Variants in RPTOR observed in about 807,000 individuals in gnomAD.
The protein encoded by RPTOR is regulatory associated protein of MTOR complex 1, also known as regulatory-associated protein of mTOR.
A neutral mutation model predicts 169.9 loss-of-function variants in RPTOR; 21 were observed. The ratio of observed to expected loss-of-function variants is 0.12; its 90% confidence interval spans 0.09 to 0.18. The LOEUF (loss-of-function observed/expected upper bound fraction) is 0.18. RPTOR is among the 10% of genes least tolerant of loss of function. The pLI, the probability that RPTOR is intolerant of heterozygous loss-of-function variation, is 1.00. For missense variants in RPTOR, 1,133 were observed against 1,855.9 expected (o/e 0.61, Z 7.16); for synonymous variants, 732 against 753.2 (o/e 0.97, Z 0.46).
At chr17:80,579,137 G>C (rs1410548126) in intron 1 of RPTOR, among the ~76,000 whole-genome samples, 1 of 151,936 alleles carries the variant, frequency 6.6e-6, no homozygotes, top group African/African-American at 2.4e-5. Flanking sequence ...CCCGAGTTAG[G>C]GCCTCAAGGA....
intron 21 of RPTOR, chr17:80,909,942 T>C (rs2068592225): frequency 6.6e-6 from 1 of 152,200 alleles, no homozygotes; most frequent in South Asian, 2.1e-4. Flanking sequence ...TAGTCCTTTC[T>C]CTTTGGGGAC....
intron 1 of RPTOR, among the ~76,000 whole-genome samples, chr17:80,617,765 G>A (rs2065322730): frequency 6.6e-6 from 1 of 152,134 alleles, no homozygotes; most frequent in African/African-American, 2.4e-5. Context: ...CAAAGAAATG[G>A]TTCCTAGCTC....
At chr17:80,945,273 C>T (rs1483635576) in intron 25 of RPTOR, among the ~76,000 whole-genome samples, 2 of 151,982 alleles carry the variant, frequency 1.3e-5, no homozygotes, top group East Asian at 1.9e-4. Context: ...CCAGCCAGGG[C>T]GACAGAACAG....
chr17:80,822,392 C>A, intron 8 of RPTOR, 91 bp downstream of exon 8: 1 of 1,224,428 alleles, frequency 8.2e-7, no homozygotes, highest in Non-Finnish European at 1.2e-6. Context: ...CAGATAGGAT[C>A]CGTGAGTGCC....
chr17:80,727,847 G>T (rs1005352790), intron 4 of RPTOR, among the ~76,000 whole-genome samples: 5 of 152,180 alleles, frequency 3.3e-5, no homozygotes, highest in African/African-American at 4.8e-5. Context: ...GAAGGAATGT[G>T]CCTTTAAAAT....
intron 1 of RPTOR, among the ~76,000 whole-genome samples, chr17:80,568,676 C>T (rs999205956): frequency 4.6e-5 from 7 of 152,158 alleles, no homozygotes; most frequent in Admixed American, 6.6e-5. Context: ...CCTTGTTCCT[C>T]CTCAATCTTC....
At chr17:80,671,859 T>C (rs1410495145) in intron 3 of RPTOR, among the ~76,000 whole-genome samples, 2 of 152,206 alleles carry the variant, frequency 1.3e-5, no homozygotes, top group African/African-American at 4.8e-5. Context: ...CGCACAAAGA[T>C]GACCGTGGAA....
intron 1 of RPTOR, among the ~76,000 whole-genome samples, chr17:80,615,467 C>T (rs1410609001): frequency 6.6e-6 from 1 of 152,106 alleles, no homozygotes; most frequent in Non-Finnish European, 1.5e-5. Flanking sequence ...AAGAAATTGT[C>T]AAATATATGG....
In RPTOR at chr17:80,925,402, C is replaced by T; in HGVS notation, c.2841C>T (p.His947=). The T allele has an allele frequency of 6.2e-7, 1 of 1,613,760 alleles. No homozygotes were observed. Among genetic ancestry groups the T allele is most frequent in the East Asian group, 2.2e-5 (1 of 44,888 alleles). Residue 947 remains histidine (H), a synonymous_variant, in exon 24 of 34, where the codon CAC becomes CAT. Coordinates refer to ENST00000306801, the MANE Select transcript of RPTOR (RefSeq NM_020761.3). The part of the protein sequence containing the change: ...TADDADDAAG[H]KSFISATVQT... The stretch of plus-strand genomic sequence containing the variant: ...ACGACGCGGACGATGCTGCTGGACA[C>T]AAAAGTTTCATCTCCGCCACGGTGC...
intron 1 of RPTOR, among the ~76,000 whole-genome samples, chr17:80,621,454 G>A (rs1161260947): frequency 6.6e-6 from 1 of 152,244 alleles, no homozygotes; most frequent in East Asian, 1.9e-4. Context: ...TGGGAATGCC[G>A]TATCACCGCC....
chr17:80,860,339 C>T lies in RPTOR; in HGVS notation c.1509+2439C>T, dbSNP rs1055738932. Among the ~76,000 whole-genome samples, 1 of 152,234 alleles carries T rather than the reference C, an allele frequency of 6.6e-6. No homozygotes were observed. The highest frequency in any genetic ancestry group is 2.4e-5 in the African/African-American group (1 of 41,474). ...GGCACCCCGAGCCACAGGCTCGTAC[C>T]CCGCACTGTGCGCTCTCACCCGTCA... is the stretch of plus-strand genomic sequence containing the variant. On this transcript the variant is annotated intron_variant, in intron 13 of 33. Transcript: ENST00000306801. This position sits in a 1 kb window ranked among gnomAD's most constrained non-coding sequence, Gnocchi z 5.8.
At chr17:80,626,684 G>C (rs1234045167) in intron 2 of RPTOR, among the ~76,000 whole-genome samples, 1 of 150,538 alleles carries the variant, frequency 6.6e-6, no homozygotes, top group Non-Finnish European at 1.5e-5. Context: ...TGTAGAGCTG[G>C]AATTTGAACC....
At chr17:80,795,306 G>C (rs973757332) in intron 7 of RPTOR, among the ~76,000 whole-genome samples, 2 of 152,176 alleles carry the variant, frequency 1.3e-5, no homozygotes, top group Non-Finnish European at 2.9e-5. Flanking sequence ...AAAAAGAGAA[G>C]CAAACACCCT....
intron 24 of RPTOR, 36 bp downstream of exon 24, chr17:80,925,516 A>G: frequency 6.7e-7 from 1 of 1,495,128 alleles, no homozygotes; most frequent in Non-Finnish European, 9.3e-7. Context: ...GTAGAGTCCT[A>G]GCGAACATGT....
intron 7 of RPTOR, among the ~76,000 whole-genome samples, chr17:80,793,142 A>T (rs2067066784): frequency 6.6e-6 from 1 of 152,190 alleles, no homozygotes; most frequent in Non-Finnish European, 1.5e-5. Flanking sequence ...TTGAGCACTG[A>T]TGTGCTACTC....
rs1201520928 is a variant in RPTOR at position 80,957,279 on chromosome 17, G to A, written c.3371-345G>A. 9.2e-6 allele frequency among the ~76,000 whole-genome samples: 1 copy of A among 108,368 alleles called. No homozygotes were observed. The highest frequency in any genetic ancestry group is 1.9e-5 in the Non-Finnish European group (1 of 53,848). 71.1% of individuals were successfully genotyped at this position (108,368 alleles called of 152,430 possible). On this transcript the variant is annotated intron_variant, in intron 28 of 33. Coordinates refer to ENST00000306801, the MANE Select transcript of RPTOR (RefSeq NM_020761.3). The surrounding 1 kb of genome is among the most constrained non-coding windows in gnomAD (Gnocchi z 4.6). Reference sequence around the variant, plus strand: ...AGTTCCAGCTTAGAACTGTCACCCCGGCCTGGACTTGGGAGTTCCAGCTTA... The same window carrying A: ...AGTTCCAGCTTAGAACTGTCACCCCAGCCTGGACTTGGGAGTTCCAGCTTA...
intron 5 of RPTOR, among the ~76,000 whole-genome samples, chr17:80,753,632 C>CAA (rs35693819): frequency 0.34 from 31,683 of 94,576 alleles, 5,590 homozygotes; most frequent in South Asian, 0.37. Context: ...AACTCCGTCT[C>CAA]AAAAAAAAAA....
At chr17:80,704,245 C>G (rs1039566716) in intron 3 of RPTOR, among the ~76,000 whole-genome samples, 1 of 152,202 alleles carries the variant, frequency 6.6e-6, no homozygotes, top group Non-Finnish European at 1.5e-5. Flanking sequence ...TAGCCAAGGT[C>G]GTGACAGCTG....
chr17:80,823,991 TG>T lies in RPTOR; in HGVS notation c.1136+770del, dbSNP rs1304401964. Among the ~76,000 whole-genome samples the T allele has an allele frequency of 6.6e-6, 1 of 152,244 alleles. No homozygotes were observed. The highest frequency in any genetic ancestry group is 2.4e-5 in the African/African-American group (1 of 41,458). Reference sequence around the variant, plus strand: ...ATGCCTAGCCGCAGAAGCCATCATGTGGCGTATTTTCATGGCCAGGTTTATT... The same window carrying T: ...ATGCCTAGCCGCAGAAGCCATCATGTGCGTATTTTCATGGCCAGGTTTATT... On this transcript the variant is annotated intron_variant, in intron 9 of 33. Transcript: ENST00000306801. The surrounding 1 kb of genome is among the most constrained non-coding windows in gnomAD (Gnocchi z 4.5).
Sources: allele counts gnomAD v4.1 joint callset (sites outside exome capture counted in the v4.1 genomes callset), GRCh38; gene constraint gnomAD v4.1.1; non-coding constraint Gnocchi (gnomAD v3.1); transcripts MANE v1.5; gene names NCBI Gene and HGNC (gene_info 2026-07-23, HGNC 2026-07-21).